Variants in CCDC93 observed in about 807,000 individuals in gnomAD.
CCDC93 encodes CCC complex scaffolding subunit CCDC93.
Under a neutral mutation model 108.2 loss-of-function variants are expected in CCDC93, and 61 were observed. The observed-to-expected ratio is 0.56, with a 90% CI of 0.46 to 0.70. The LOEUF is 0.70. Among genes scored for constraint, CCDC93 ranks in the 30% least tolerant of loss-of-function variants. The pLI, the probability that CCDC93 is intolerant of heterozygous loss-of-function variation, is 0.00. For missense variants in CCDC93, 685 were observed against 764.2 expected (o/e 0.90, Z 1.22); for synonymous variants, 276 against 260.4 (o/e 1.06, Z -0.58).
intron 23 of CCDC93, among the ~76,000 whole-genome samples, chr2:117,921,021 A>G (rs772121545): frequency 0.017 from 296 of 17,894 alleles, 2 homozygotes; most frequent in African/African-American, 0.023. Flanking sequence ...TCTACTAAAA[A>G]TATAAATTAG....
At chr2:117,954,417 C>A (rs1176796547) in intron 12 of CCDC93, among the ~76,000 whole-genome samples, 2 of 152,146 alleles carry the variant, frequency 1.3e-5, no homozygotes, top group Non-Finnish European at 2.9e-5. Context: ...CATCTCTTTT[C>A]TTTTCTTTAA....
In CCDC93 at chr2:118,008,588, C is replaced by T; in HGVS notation, c.113G>A (p.Gly38Glu). ...TEILELLVAA[G>E]YFRARIKGLS... ...GCCTTTAATTCTTGCCCTGAAATAC[C>T]CAGCTGCAACCAAGAGCTCCAGAAT... The change falls in exon 2 of 24, where the codon GGG becomes GAG. Residue 38 changes from glycine (G) to glutamate (E), a missense_variant. Physicochemically the swap from Gly to Glu is moderately conservative, Grantham distance 98. Transcript: ENST00000376300. 1 of 1,613,576 alleles carries T rather than the reference C, an allele frequency of 6.2e-7. No individual in the cohort carries two copies. The highest frequency in any genetic ancestry group is 8.5e-7 in the Non-Finnish European group (1 of 1,179,530).
intron 12 of CCDC93, among the ~76,000 whole-genome samples, chr2:117,957,935 GAAGTT>G (rs59162436): frequency 0.049 from 7,468 of 152,160 alleles, 461 homozygotes; most frequent in African/African-American, 0.14. Context: ...CTTCTCATTA[GAAGTT>G]AAGATCCTTG....
At chr2:117,928,912 A>G (rs1335925424) in intron 23 of CCDC93, among the ~76,000 whole-genome samples, 1 of 152,230 alleles carries the variant, frequency 6.6e-6, no homozygotes, top group Non-Finnish European at 1.5e-5. Context: ...CATATACACC[A>G]CGGAATACTA....
chr2:118,011,320 G>A (rs543025201), intron 1 of CCDC93, among the ~76,000 whole-genome samples: 7 of 152,296 alleles, frequency 4.6e-5, no homozygotes, highest in East Asian at 3.9e-4. Context: ...TAGGAGTGGC[G>A]TGGGGGAGGT....
intron 22 of CCDC93, among the ~76,000 whole-genome samples, chr2:117,934,266 C>T (rs116639092): frequency 0.012 from 1,843 of 152,272 alleles, 15 homozygotes; most frequent in Middle Eastern, 0.034. Context: ...AGAGCAATGG[C>T]AAGGTGGAAG....
chr2:117,978,749 T>C (rs1446004096), intron 7 of CCDC93, among the ~76,000 whole-genome samples: 1 of 152,204 alleles, frequency 6.6e-6, no homozygotes, highest in Non-Finnish European at 1.5e-5. Flanking sequence ...TGCAAAGTGC[T>C]GTAATCCCAG....
At chr2:117,946,456 AG>A (rs750113622) in intron 16 of CCDC93, among the ~76,000 whole-genome samples, 2 of 152,200 alleles carry the variant, frequency 1.3e-5, no homozygotes, top group Non-Finnish European at 2.9e-5. Context: ...ATCCCTGAGC[AG>A]GAAAGGAGAA....
chr2:118,014,032 C>T lies in CCDC93; in HGVS notation c.-37G>A, dbSNP rs371063106. On this transcript the variant is annotated 5_prime_UTR_variant, in exon 1 of 24. Coordinates refer to ENST00000376300, the MANE Select transcript of CCDC93 (RefSeq NM_019044.5). ...GCTGTCGTAAGGCGAGAGCGAAGCC[C>T]GCCAAGCGTCCGGAGGAAGCTGTCC... 52 of 1,583,026 alleles carry T rather than the reference C, an allele frequency of 3.3e-5. No individual in the cohort carries two copies. In the African/African-American group the frequency reaches 5.6e-4, roughly 17 times the overall value.
At chr2:117,934,574 G>A (rs1262941421) in intron 22 of CCDC93, 1 of 153,948 alleles carries the variant, frequency 6.5e-6, no homozygotes, top group Admixed American at 6.5e-5. Flanking sequence ...TTTCTACAGG[G>A]AAAGGGATAT....
At chr2:117,999,024 TAGAG>T (rs773116766) in intron 4 of CCDC93, 1 of 152,200 alleles carries the variant, frequency 6.6e-6, no homozygotes, top group Admixed American at 6.5e-5. Flanking sequence ...ATGTAACACT[TAGAG>T]AGCACTTACT....
At chr2:118,003,483 T>C (rs1676772334) in intron 3 of CCDC93, among the ~76,000 whole-genome samples, 1 of 152,190 alleles carries the variant, frequency 6.6e-6, no homozygotes, top group Non-Finnish European at 1.5e-5. Flanking sequence ...AATACAGCCT[T>C]TCCTTAGTTA....
chr2:117,996,222 C>T (rs1038947465), intron 5 of CCDC93, 42 bp downstream of exon 5: 3 of 1,346,684 alleles, frequency 2.2e-6, no homozygotes, highest in African/African-American at 1.4e-5. Context: ...AGTGTGCACT[C>T]TGTTTCTCAG....
chr2:117,925,012 T>C (rs1324243867), intron 23 of CCDC93, among the ~76,000 whole-genome samples: 1 of 152,202 alleles, frequency 6.6e-6, no homozygotes, highest in Non-Finnish European at 1.5e-5. Flanking sequence ...CAGAATTTCA[T>C]ATCCAGCCAA....
intron 6 of CCDC93, among the ~76,000 whole-genome samples, chr2:117,993,813 T>C (rs1680561309): frequency 6.6e-6 from 1 of 152,186 alleles, no homozygotes; most frequent in African/African-American, 2.4e-5. Context: ...GGCTCACTGC[T>C]ACCTCTGCCT....
intron 7 of CCDC93, among the ~76,000 whole-genome samples, chr2:117,983,016 T>C (rs2104795440): frequency 6.6e-6 from 1 of 152,322 alleles, no homozygotes; most frequent in Admixed American, 6.5e-5. Flanking sequence ...GAAGGTCACA[T>C]GTTAGAACAG....
intron 18 of CCDC93, among the ~76,000 whole-genome samples, chr2:117,941,677 T>A (rs1248155819): frequency 1.3e-5 from 2 of 152,196 alleles, no homozygotes; most frequent in African/African-American, 4.8e-5. Flanking sequence ...CTTCAGATGA[T>A]GGGAAGCTAT....
chr2:117,983,042 C>A (rs1680198549), intron 7 of CCDC93, among the ~76,000 whole-genome samples: 1 of 152,154 alleles, frequency 6.6e-6, no homozygotes, highest in Non-Finnish European at 1.5e-5. Context: ...TTTCTCTTAT[C>A]TATATAAAGA....
intron 4 of CCDC93, chr2:118,000,596 ACATT>A: frequency 2.2e-6 from 1 of 464,440 alleles, no homozygotes; most frequent in Non-Finnish European, 3.8e-6. Flanking sequence ...TCAGATGAGA[ACATT>A]CAAAGATCTT....
Sources: allele counts gnomAD v4.1 joint callset (sites outside exome capture counted in the v4.1 genomes callset), GRCh38; gene constraint gnomAD v4.1.1; transcripts MANE v1.5; gene names NCBI Gene and HGNC (gene_info 2026-07-23, HGNC 2026-07-21).